CNTN5: variants seen among roughly 807,000 people sequenced by gnomAD.
CNTN5 encodes the protein contactin-5.
In CNTN5, 77 loss-of-function variants were observed where a neutral mutation model predicts 129.1. The observed-to-expected ratio is 0.60, with a 90% CI of 0.50 to 0.72. The LOEUF (loss-of-function observed/expected upper bound fraction) is 0.72, where lower values mean the gene tolerates loss of function less well. Among genes scored for constraint, CNTN5 ranks in the 30% least tolerant of loss-of-function variants. The pLI, the probability that CNTN5 is intolerant of heterozygous loss-of-function variation, is 0.00. For missense variants in CNTN5, 1,478 were observed against 1,328.8 expected (o/e 1.11, Z -1.75); for synonymous variants, 509 against 465.6 (o/e 1.09, Z -1.20).
chr11:99,053,341 A>G (rs1278986142), intron 1 of CNTN5, among the ~76,000 whole-genome samples: 1 of 151,972 alleles, frequency 6.6e-6, no homozygotes, highest in East Asian at 1.9e-4. Context: ...TAACAACTAA[A>G]CAGTCATGCC....
intron 2 of CNTN5, among the ~76,000 whole-genome samples, chr11:99,365,315 T>A (rs151076993): frequency 6.6e-6 from 1 of 152,330 alleles, no homozygotes; most frequent in East Asian, 1.9e-4. Context: ...ATAATAAATA[T>A]GCCACAAATG....
intron 1 of CNTN5, among the ~76,000 whole-genome samples, chr11:99,319,390 C>T (rs1865470705): frequency 6.6e-6 from 1 of 152,116 alleles, no homozygotes; most frequent in Non-Finnish European, 1.5e-5. Flanking sequence ...TGGAAGTCAC[C>T]TCCCCATAAA....
At chr11:99,677,635 A>G (rs1953349072) in intron 3 of CNTN5, among the ~76,000 whole-genome samples, 1 of 152,168 alleles carries the variant, frequency 6.6e-6, no homozygotes, top group East Asian at 1.9e-4. Flanking sequence ...AAAAGATTTC[A>G]AAGTCCACAT....
At chr11:99,337,409 A>G (rs282486) in intron 2 of CNTN5, among the ~76,000 whole-genome samples, 17,668 of 152,218 alleles carry the variant, frequency 0.12, 1,401 homozygotes, top group African/African-American at 0.22. Flanking sequence ...CAAACCAGTC[A>G]TTAGCATTGT....
At chr11:99,837,258 A>T (rs1362519970) in intron 4 of CNTN5, among the ~76,000 whole-genome samples, 1 of 152,148 alleles carries the variant, frequency 6.6e-6, no homozygotes, top group Non-Finnish European at 1.5e-5. Flanking sequence ...AATAGTTTAA[A>T]ATGATTTTAT....
intron 13 of CNTN5, among the ~76,000 whole-genome samples, chr11:100,082,570 G>A (rs575583824): frequency 2.6e-5 from 4 of 152,066 alleles, no homozygotes; most frequent in Admixed American, 6.6e-5. Flanking sequence ...AAGATTATAC[G>A]TGTGAGCCAC....
chr11:100,126,431 G>A (rs1378507786), intron 13 of CNTN5, among the ~76,000 whole-genome samples: 1 of 152,036 alleles, frequency 6.6e-6, no homozygotes, highest in Non-Finnish European at 1.5e-5. Flanking sequence ...CTTTTTGTAG[G>A]TCTAGAAGTA....
intron 3 of CNTN5, among the ~76,000 whole-genome samples, chr11:99,563,280 G>A (rs1477204400): frequency 1.3e-5 from 2 of 152,158 alleles, no homozygotes; most frequent in Non-Finnish European, 2.9e-5. Context: ...ACGGCAGTGA[G>A]TTGTGAATTG....
At chr11:99,391,872 T>C (rs944349048) in intron 2 of CNTN5, among the ~76,000 whole-genome samples, 2 of 152,008 alleles carry the variant, frequency 1.3e-5, no homozygotes, top group Admixed American at 6.6e-5. Flanking sequence ...ATGTTAATCA[T>C]ATGCTGATTA....
At chr11:99,200,185 CCAT>C (rs1859102185) in intron 1 of CNTN5, among the ~76,000 whole-genome samples, 1 of 152,116 alleles carries the variant, frequency 6.6e-6, no homozygotes, top group Admixed American at 6.5e-5. Context: ...CTCACCACCA[CCAT>C]ATTACCATTA....
intron 13 of CNTN5, among the ~76,000 whole-genome samples, chr11:100,115,688 A>AT (rs1287022558): frequency 6.6e-6 from 1 of 152,002 alleles, no homozygotes; most frequent in Non-Finnish European, 1.5e-5. Flanking sequence ...TAAAAGACCT[A>AT]TTTTTTAATT....
chr11:99,408,730 A>C (rs935168674), intron 2 of CNTN5, among the ~76,000 whole-genome samples: 4 of 152,224 alleles, frequency 2.6e-5, no homozygotes, highest in Non-Finnish European at 5.9e-5. Context: ...ACCTCCAAAA[A>C]AATAAAAATC....
intron 13 of CNTN5, among the ~76,000 whole-genome samples, chr11:100,121,885 C>A: frequency 6.6e-6 from 1 of 151,630 alleles, no homozygotes; most frequent in East Asian, 2.0e-4. Flanking sequence ...TAGAGAATTA[C>A]AATTTTAAAA....
chr11:99,897,301 C>T (rs1565652045), intron 6 of CNTN5, among the ~76,000 whole-genome samples: 1 of 151,890 alleles, frequency 6.6e-6, no homozygotes, highest in Non-Finnish European at 1.5e-5. Context: ...CCAGAGAACA[C>T]CTATGAGATA....
intron 1 of CNTN5, among the ~76,000 whole-genome samples, chr11:99,127,306 T>C (rs1858689460): frequency 6.6e-6 from 1 of 152,194 alleles, no homozygotes; most frequent in African/African-American, 2.4e-5. Context: ...ATGTCATAAA[T>C]GTTCATCTAC....
chr11:100,081,310 T>C (rs569092213), intron 13 of CNTN5, among the ~76,000 whole-genome samples: 1 of 152,306 alleles, frequency 6.6e-6, no homozygotes, highest in Non-Finnish European at 1.5e-5. Context: ...CACCGTTTCA[T>C]ATAGAAATGA....
chr11:100,267,304 G>T lies in CNTN5; in HGVS notation c.2165-3788G>T, dbSNP rs533950875. On this transcript the variant is annotated intron_variant, in intron 17 of 24. Coordinates refer to ENST00000524871, the MANE Select transcript of CNTN5 (RefSeq NM_014361.4). ...ACAGAGAGAGAGAGAAAGAGAGAGTGAGCAAGCTCAAGTGTCCCATCCTAT... is the reference window on the plus strand; with the variant it reads ...ACAGAGAGAGAGAGAAAGAGAGAGTTAGCAAGCTCAAGTGTCCCATCCTAT... Among the ~76,000 whole-genome samples the T allele has an allele frequency of 4.6e-5, 7 of 151,438 alleles. No individual in the cohort carries two copies. The South Asian group carries it at 1.0e-3, about 23-fold the overall frequency.
At chr11:100,218,692 TG>T (rs1949195509) in intron 15 of CNTN5, among the ~76,000 whole-genome samples, 1 of 152,232 alleles carries the variant, frequency 6.6e-6, no homozygotes, top group South Asian at 2.1e-4. Flanking sequence ...AGATAAGACT[TG>T]AACAAGGTCT....
intron 1 of CNTN5, among the ~76,000 whole-genome samples, chr11:99,046,003 A>G (rs911885182): frequency 4.6e-5 from 7 of 152,176 alleles, no homozygotes; most frequent in Admixed American, 1.3e-4. Context: ...ATATGTACCC[A>G]GGTAAATAAC....
Sources: gnomAD v4.1 joint callset for allele counts (sites outside exome capture counted in the v4.1 genomes callset) on GRCh38, gnomAD v4.1.1 for gene constraint, MANE v1.5 for transcripts, NCBI Gene and HGNC (gene_info 2026-07-23, HGNC 2026-07-21) for gene names.